OTOGL: variants seen among roughly 807,000 people sequenced by gnomAD.
OTOGL encodes otogelin like.
A neutral mutation model predicts 318.5 loss-of-function variants in OTOGL; 285 were observed. That is an observed-to-expected ratio of 0.89 (90% CI 0.81 to 0.99). The LOEUF (loss-of-function observed/expected upper bound fraction) is 0.99, where lower values mean the gene tolerates loss of function less well. OTOGL is among the 50% of genes least tolerant of loss of function. The pLI is 0.00. For synonymous variants in OTOGL, 987 were observed against 936.5 expected, an observed-to-expected ratio of 1.05 and a Z score of -0.99; for missense variants, 2,899 against 2,845.6, an observed-to-expected ratio of 1.02 and a Z score of -0.43.
chr12:80,184,041 T>TA (rs1875116057), intron 1 of OTOGL, among the ~76,000 whole-genome samples: 1 of 152,218 alleles, frequency 6.6e-6, no homozygotes, highest in South Asian at 2.1e-4. Flanking sequence ...TTCCCATAGT[T>TA]ATGGTACTTG....
At chr12:80,238,823 T>C (rs1280157528) in intron 9 of OTOGL, 28 bp from the exon 10 acceptor site, 2 of 1,494,458 alleles carry the variant, frequency 1.3e-6, no homozygotes, top group Non-Finnish European at 8.9e-7. Context: ...TATTTGTGTG[T>C]GTGTGTGTGT....
At chr12:80,318,794 C>G (rs2137824985) in intron 33 of OTOGL, 81 bp downstream of exon 33, 2 of 1,012,262 alleles carry the variant, frequency 2.0e-6, no homozygotes, top group East Asian at 6.6e-5. Context: ...AATTGAGAAT[C>G]TAATATGTTT....
At chr12:80,288,833 T>A (rs887322843) in intron 26 of OTOGL, among the ~76,000 whole-genome samples, 1 of 152,110 alleles carries the variant, frequency 6.6e-6, no homozygotes, top group African/African-American at 2.4e-5. Flanking sequence ...TTGCATTGAT[T>A]GGGTTAGAAC....
chr12:80,340,617 T>C (rs536760250), intron 43 of OTOGL, among the ~76,000 whole-genome samples: 1 of 152,268 alleles, frequency 6.6e-6, no homozygotes, highest in East Asian at 1.9e-4. Flanking sequence ...ATCACCTTTA[T>C]GCTAACCAGG....
chr12:80,202,832 T>A (rs919631698), intron 1 of OTOGL, among the ~76,000 whole-genome samples: 9 of 152,180 alleles, frequency 5.9e-5, no homozygotes, highest in Middle Eastern at 3.2e-3. Flanking sequence ...CTTCTGAACA[T>A]CTGCTCCATT....
At chr12:80,324,866 T>G (rs1887577717) in intron 35 of OTOGL, among the ~76,000 whole-genome samples, 1 of 152,190 alleles carries the variant, frequency 6.6e-6, no homozygotes, top group African/African-American at 2.4e-5. Context: ...TTTGATCTAA[T>G]AGAACTGCAT....
At chr12:80,101,828 A>T (rs1481907553) in intron 1 of OTOGL, among the ~76,000 whole-genome samples, 1 of 152,210 alleles carries the variant, frequency 6.6e-6, no homozygotes, top group Non-Finnish European at 1.5e-5. Context: ...AAAGGGGGGA[A>T]ATTGCTGTAG....
At chr12:80,145,009 C>G (rs1448346511) in intron 1 of OTOGL, among the ~76,000 whole-genome samples, 7 of 151,346 alleles carry the variant, frequency 4.6e-5, no homozygotes, top group African/African-American at 1.5e-4. Context: ...TGTAGGTTGC[C>G]TGTTCACTCT....
intron 17 of OTOGL, 59 bp downstream of exon 17, chr12:80,256,519 A>AACAC: frequency 6.6e-7 from 1 of 1,517,116 alleles, no homozygotes; most frequent in Non-Finnish European, 8.8e-7. Flanking sequence ...CAAACAAACA[A>AACAC]ACAACACACG....
chr12:80,254,801 G>A (rs1881883182), intron 15 of OTOGL, among the ~76,000 whole-genome samples: 1 of 151,812 alleles, frequency 6.6e-6, no homozygotes, highest in South Asian at 2.1e-4. Flanking sequence ...AAAAAATGTG[G>A]AATAAATATC....
At chr12:80,112,291 GT>G (rs1419355896) in intron 1 of OTOGL, among the ~76,000 whole-genome samples, 1 of 152,164 alleles carries the variant, frequency 6.6e-6, no homozygotes, top group East Asian at 1.9e-4. Flanking sequence ...TGAAATAGAA[GT>G]TGTGAGAGAG....
chr12:80,115,771 G>A (rs1202461433), intron 1 of OTOGL, among the ~76,000 whole-genome samples: 1 of 152,148 alleles, frequency 6.6e-6, no homozygotes, highest in African/African-American at 2.4e-5. Flanking sequence ...ATCTAGAGAG[G>A]CAATCTATCT....
intron 31 of OTOGL, among the ~76,000 whole-genome samples, 163 bp downstream of exon 31, chr12:80,313,795 C>T (rs148979666): frequency 1.2e-3 from 187 of 151,788 alleles, no homozygotes; most frequent in Non-Finnish European, 1.9e-3. Flanking sequence ...TATAGAATAC[C>T]GAAAGGACTT....
At chr12:80,172,516 T>C (rs750404580) in intron 1 of OTOGL, among the ~76,000 whole-genome samples, 83 of 152,288 alleles carry the variant, frequency 5.5e-4, no homozygotes, top group Middle Eastern at 3.4e-3. Context: ...GTGTGGTAAG[T>C]CCTGCAGGTC....
At chr12:80,134,190 C>A (rs1448603655) in intron 1 of OTOGL, among the ~76,000 whole-genome samples, 4 of 152,212 alleles carry the variant, frequency 2.6e-5, no homozygotes, top group East Asian at 3.9e-4. Flanking sequence ...CCATTTTATG[C>A]ACCACACCAG....
chr12:80,335,714 C>T (rs1309243523), intron 38 of OTOGL, among the ~76,000 whole-genome samples: 1 of 151,936 alleles, frequency 6.6e-6, no homozygotes, highest in Admixed American at 6.6e-5. Context: ...CTGTTTTCTT[C>T]AGATGTTTGA....
chr12:80,144,654 T>C (rs972902020), intron 1 of OTOGL, among the ~76,000 whole-genome samples: 9 of 151,990 alleles, frequency 5.9e-5, no homozygotes, highest in African/African-American at 2.2e-4. Flanking sequence ...ATGGTTGAAC[T>C]AGTTTACAGT....
At chr12:80,219,977 G>A in intron 6 of OTOGL, 65 bp downstream of exon 6, 5 of 1,192,776 alleles carry the variant, frequency 4.2e-6, no homozygotes. Flanking sequence ...GGCATAATTT[G>A]CTATAATAAT....
At chr12:80,138,025 T>C (rs1292281878) in intron 1 of OTOGL, among the ~76,000 whole-genome samples, 1 of 152,214 alleles carries the variant, frequency 6.6e-6, no homozygotes, top group Non-Finnish European at 1.5e-5. Flanking sequence ...ATAAGTATTA[T>C]GGTTTATAAA....
Sources: gnomAD v4.1 joint callset for allele counts (sites outside exome capture counted in the v4.1 genomes callset) on GRCh38, gnomAD v4.1.1 for gene constraint, MANE v1.5 for transcripts, NCBI Gene and HGNC (gene_info 2026-07-23, HGNC 2026-07-21) for gene names.